THSD4: variants seen among roughly 807,000 people sequenced by gnomAD.
THSD4 encodes the protein thrombospondin type-1 domain-containing protein 4.
In THSD4, 69 loss-of-function variants were observed where a neutral mutation model predicts 119.0. That is an observed-to-expected ratio of 0.58 (90% CI 0.48 to 0.71). The LOEUF is 0.71. THSD4 is among the 30% of genes least tolerant of loss of function. The pLI is 0.00. For missense variants in THSD4, 1,393 were observed against 1,391.1 expected (o/e 1.00, Z -0.02); for synonymous variants, 524 against 540.4 (o/e 0.97, Z 0.42).
intron 7 of THSD4, among the ~76,000 whole-genome samples, chr15:71,491,875 G>A (rs139020917): frequency 0.017 from 2,533 of 150,788 alleles, 36 homozygotes; most frequent in Non-Finnish European, 0.026. Flanking sequence ...TCTCAAAAAA[G>A]AAAAAAAAGA....
intron 1 of THSD4, among the ~76,000 whole-genome samples, chr15:71,108,581 T>C (rs532259778): frequency 1.3e-4 from 20 of 152,296 alleles, no homozygotes; most frequent in African/African-American, 4.8e-4. Context: ...GGGAGGGGGC[T>C]CACTGGAATA....
chr15:71,273,812 A>G (rs1295726912), intron 6 of THSD4, among the ~76,000 whole-genome samples: 1 of 152,232 alleles, frequency 6.6e-6, no homozygotes, highest in Non-Finnish European at 1.5e-5. Flanking sequence ...CAAGCAACAG[A>G]CACCAATTTT....
chr15:71,459,163 T>TC (rs1273385622), intron 7 of THSD4, among the ~76,000 whole-genome samples: 1 of 105,090 alleles, frequency 9.5e-6, no homozygotes, highest in African/African-American at 2.7e-5. Flanking sequence ...TTTTTTTCTT[T>TC]TTTTTTTTTT....
rs1187390564 is a variant in THSD4 at position 71,547,505 on chromosome 15, C to A, written c.1153-113025C>A. 3 of 1,548,526 alleles carry A rather than the reference C, an allele frequency of 1.9e-6. No individual in the cohort carries two copies. The South Asian group carries it at 3.6e-5, about 19-fold the overall frequency. On this transcript the variant is annotated intron_variant, in intron 7 of 17. Coordinates refer to ENST00000261862, the MANE Select transcript of THSD4 (RefSeq NM_024817.3). ...AGGTAAGCCAAATAAAATATCTTGTCAGAAGTTGTATTTTTTTTCAGCATT... is the reference window on the plus strand; with the variant it reads ...AGGTAAGCCAAATAAAATATCTTGTAAGAAGTTGTATTTTTTTTCAGCATT...
At chr15:71,342,395 C>G (rs770227966) in intron 6 of THSD4, 1 of 153,594 alleles carries the variant, frequency 6.5e-6, no homozygotes, top group Non-Finnish European at 1.4e-5. Flanking sequence ...CTTGGAGATC[C>G]TGAAGTCAGA....
In THSD4 at chr15:71,727,571, TATATATATATATATATACACACACAC is replaced by T. The variant is rs369301526; in HGVS notation, c.1358-976_1358-951del. Among the ~76,000 whole-genome samples, 86 of 33,670 alleles carry T rather than the reference TATATATATATATATATACACACACAC, an allele frequency of 2.6e-3. 1 individual carries two copies. Among genetic ancestry groups the T allele is most frequent in the African/African-American group, 5.4e-3 (55 of 10,202 alleles). 22.1% of individuals were successfully genotyped at this position (33,670 alleles called of 152,430 possible). A position where few individuals can be genotyped will look rare whatever the true frequency, so the allele number is the denominator to read the frequency against. The stretch of plus-strand genomic sequence containing the variant: ...AAAAAAAAATATATATATATATATA[TATATATATATATATATACACACACAC>T]ACACACACACACACACACACACACA... On this transcript the variant is annotated intron_variant, in intron 8 of 17. Coordinates refer to ENST00000261862, the MANE Select transcript of THSD4 (RefSeq NM_024817.3).
At chr15:71,349,857 G>A (rs1318020194) in intron 6 of THSD4, among the ~76,000 whole-genome samples, 2 of 152,110 alleles carry the variant, frequency 1.3e-5, no homozygotes, top group Non-Finnish European at 2.9e-5. Context: ...GTGGGCCCAG[G>A]GAAGGGGGAG....
intron 7 of THSD4, among the ~76,000 whole-genome samples, chr15:71,463,285 A>G (rs993562368): frequency 8.5e-5 from 13 of 152,144 alleles, no homozygotes; most frequent in Admixed American, 6.5e-5. Flanking sequence ...CATTCCGTCT[A>G]TCTTTGTATC....
chr15:71,256,421 G>A (rs998405250), intron 5 of THSD4, among the ~76,000 whole-genome samples, 192 bp from the exon 6 acceptor site: 1 of 151,412 alleles, frequency 6.6e-6, no homozygotes, highest in Non-Finnish European at 1.5e-5. Flanking sequence ...GTTGCAGTGA[G>A]CCGAGATTGG....
chr15:71,703,272 G>A (rs909968485), intron 8 of THSD4, among the ~76,000 whole-genome samples: 7 of 152,156 alleles, frequency 4.6e-5, no homozygotes, highest in African/African-American at 1.4e-4. Context: ...ACCACACTCG[G>A]CCAGGCTCCT....
At chr15:71,318,813 G>C (rs898529449) in intron 6 of THSD4, among the ~76,000 whole-genome samples, 2 of 152,222 alleles carry the variant, frequency 1.3e-5, no homozygotes, top group African/African-American at 4.8e-5. Context: ...ATGATGCCAA[G>C]TGTGAACCTG....
intron 7 of THSD4, among the ~76,000 whole-genome samples, chr15:71,627,483 C>A (rs1004091544): frequency 6.6e-6 from 1 of 152,140 alleles, no homozygotes; most frequent in Non-Finnish European, 1.5e-5. Flanking sequence ...AAATGGCAGC[C>A]CCTTCACTAG....
At chr15:71,499,481 TG>T (rs1367100017) in intron 7 of THSD4, among the ~76,000 whole-genome samples, 1 of 138,354 alleles carries the variant, frequency 7.2e-6, no homozygotes, top group Admixed American at 7.1e-5. Flanking sequence ...TTGGCACAAT[TG>T]TTTTTTTTTT....
chr15:71,744,960 G>C lies in THSD4; in HGVS notation c.1907-146G>C, dbSNP rs187199760. 28 of 980,094 alleles carry C rather than the reference G, an allele frequency of 2.9e-5. No individual in the cohort carries two copies. In the African/African-American group the frequency reaches 4.1e-4, roughly 14 times the overall value. The allele number at this position is 980,094 out of a possible 1,614,324, so 60.7% of individuals were successfully genotyped here. On this transcript the variant is annotated intron_variant, in intron 11 of 17. Coordinates refer to ENST00000261862, the MANE Select transcript of THSD4 (RefSeq NM_024817.3). ...GTGTGTAAACCCTCAAATGAAGGGGGAGCGTAAGTGTGCATGCATGTGTGA... is the reference window on the plus strand; with the variant it reads ...GTGTGTAAACCCTCAAATGAAGGGGCAGCGTAAGTGTGCATGCATGTGTGA...
intron 7 of THSD4, among the ~76,000 whole-genome samples, chr15:71,509,331 TTGGAGACAAGGGGAACCGAC>T (rs2048243030): frequency 6.6e-6 from 1 of 152,220 alleles, no homozygotes; most frequent in Non-Finnish European, 1.5e-5. Flanking sequence ...CCCTGTGGAC[TTGGAGACAAGGGGAACCGAC>T]TGCAAACACT....
intron 2 of THSD4, among the ~76,000 whole-genome samples, chr15:71,145,779 G>A (rs2040652818): frequency 1.3e-5 from 2 of 152,020 alleles, no homozygotes; most frequent in Non-Finnish European, 2.9e-5. Context: ...TCATGGAGTC[G>A]ATCAGTGTCC....
chr15:71,286,670 T>C (rs1022693978), intron 6 of THSD4, among the ~76,000 whole-genome samples: 1 of 152,242 alleles, frequency 6.6e-6, no homozygotes, highest in African/African-American at 2.4e-5. Flanking sequence ...ATATACCCAG[T>C]AATGGGATTG....
At chr15:71,268,051 C>T (rs770310041) in intron 6 of THSD4, among the ~76,000 whole-genome samples, 3 of 152,068 alleles carry the variant, frequency 2.0e-5, no homozygotes, top group South Asian at 2.1e-4. Context: ...GACAGATCAA[C>T]GAGACAGAAA....
chr15:71,344,194 A>G (rs553574680), intron 6 of THSD4, among the ~76,000 whole-genome samples: 1 of 152,004 alleles, frequency 6.6e-6, no homozygotes, highest in African/African-American at 2.4e-5. Context: ...GCCCGCCACC[A>G]CGCCCGACTA....
Sources: gnomAD v4.1 joint callset for allele counts (sites outside exome capture counted in the v4.1 genomes callset) on GRCh38, gnomAD v4.1.1 for gene constraint, MANE v1.5 for transcripts, NCBI Gene and HGNC (gene_info 2026-07-23, HGNC 2026-07-21) for gene names.